The following SLC26A3 variants were observed in gnomAD, a reference collection of about 807,000 sequenced individuals.
The protein encoded by SLC26A3 is chloride anion exchanger.
Under a neutral mutation model 85.6 loss-of-function variants are expected in SLC26A3, and 64 were observed. That is an observed-to-expected ratio of 0.75 (90% CI 0.61 to 0.92). The LOEUF is 0.92. Ranked by LOEUF, SLC26A3 falls within the 40% of genes least tolerant of loss-of-function variation. SLC26A3 has a pLI of 0.00. For synonymous variants in SLC26A3, 349 were observed against 336.0 expected (o/e 1.04, Z -0.42); for missense variants, 922 against 927.3 (o/e 0.99, Z 0.07).
intron 8 of SLC26A3, 27 bp downstream of exon 8, chr7:107,786,800 T>G: frequency 6.3e-7 from 1 of 1,580,824 alleles, no homozygotes; most frequent in Non-Finnish European, 8.7e-7. Context: ...TAGTGCATGG[T>G]GATGCCATCA....
At chr7:107,802,814 T>C (rs1190279411) in intron 1 of SLC26A3, among the ~76,000 whole-genome samples, 3 of 149,888 alleles carry the variant, frequency 2.0e-5, no homozygotes, top group Non-Finnish European at 4.4e-5. Context: ...GAGTGGAGAA[T>C]TAAAGGAATT....
At chr7:107,776,336 AC>A (rs1472902954) in intron 15 of SLC26A3, 115 bp downstream of exon 15, 23 of 862,498 alleles carry the variant, frequency 2.7e-5, no homozygotes, top group Non-Finnish European at 4.5e-5. Flanking sequence ...TACTGACACA[AC>A]CCCACCTCAA....
intron 6 of SLC26A3, 102 bp downstream of exon 6, chr7:107,789,422 T>G: frequency 8.3e-7 from 1 of 1,200,934 alleles, no homozygotes; most frequent in South Asian, 1.3e-5. Context: ...TTTTACAAAC[T>G]GTAGGTAAAC....
intron 18 of SLC26A3, among the ~76,000 whole-genome samples, chr7:107,770,240 T>C: frequency 2.2e-4 from 12 of 53,354 alleles, no homozygotes; most frequent in African/African-American, 4.8e-4. Flanking sequence ...TTTTTTTTTT[T>C]TTTTTTTTTT....
At chr7:107,796,831 C>T (rs1794510234) in intron 1 of SLC26A3, among the ~76,000 whole-genome samples, 1 of 151,314 alleles carries the variant, frequency 6.6e-6, no homozygotes, top group Admixed American at 6.6e-5. Context: ...TCAGATGCTG[C>T]TATGGCCAGG....
At chr7:107,793,303 A>T (rs981471366) in intron 3 of SLC26A3, among the ~76,000 whole-genome samples, 1 of 152,228 alleles carries the variant, frequency 6.6e-6, no homozygotes, top group African/African-American at 2.4e-5. Flanking sequence ...AAATAGCATT[A>T]CTCATAACTC....
chr7:107,788,294 A>G (rs1282364944), intron 6 of SLC26A3, among the ~76,000 whole-genome samples: 1 of 152,204 alleles, frequency 6.6e-6, no homozygotes, highest in Non-Finnish European at 1.5e-5. Flanking sequence ...TGACTCAAGT[A>G]TTTTCAAAAA....
rs978802575 is a variant in SLC26A3, at chr7:107,765,541, C to T, written c.*314G>A. The T allele has an allele frequency of 6.3e-5, 17 of 269,138 alleles. No individual in the cohort carries two copies. The highest frequency in any genetic ancestry group is 2.5e-4 in the African/African-American group (11 of 44,658). 16.7% of individuals were successfully genotyped at this position (269,138 alleles called of 1,614,324 possible). On this transcript the variant is annotated 3_prime_UTR_variant, in exon 21 of 21. Transcript: ENST00000340010. ...TAAATTATGAGATTCAAAACAGTGG[C>T]GCCACTATACTGCTAAACCTATGCA...
At chr7:107,794,664 G>A (rs1794466418) in intron 1 of SLC26A3, 67 bp from the exon 2 acceptor site, 2 of 790,164 alleles carry the variant, frequency 2.5e-6, no homozygotes, top group Non-Finnish European at 4.3e-6. Flanking sequence ...ACAGATGAGT[G>A]AGCTCCGAAC....
At chr7:107,785,490 G>T (rs1321888448) in intron 8 of SLC26A3, among the ~76,000 whole-genome samples, 1 of 152,198 alleles carries the variant, frequency 6.6e-6, no homozygotes, top group African/African-American at 2.4e-5. Context: ...GTAACTCAGT[G>T]ATCTTAAGTT....
intron 4 of SLC26A3, 65 bp from the exon 5 acceptor site, chr7:107,791,300 C>T: frequency 6.7e-7 from 1 of 1,490,036 alleles, no homozygotes; most frequent in Non-Finnish European, 9.4e-7. Context: ...CTTTCAACCA[C>T]AGAATAAGAC....
intron 11 of SLC26A3, 48 bp from the exon 12 acceptor site, chr7:107,779,811 C>T (rs1794186264): frequency 1.3e-6 from 2 of 1,503,866 alleles, no homozygotes; most frequent in African/African-American, 2.7e-5. Flanking sequence ...ATGAAATAAA[C>T]CACAGGGAAG....
At chr7:107,776,380 C>T (rs1214112843) in intron 15 of SLC26A3, 72 bp downstream of exon 15, 2 of 1,256,608 alleles carry the variant, frequency 1.6e-6, no homozygotes, top group East Asian at 2.3e-5. Flanking sequence ...CAACAATGAC[C>T]TTACAGAACA....
chr7:107,783,182 C>A (rs1258507914), intron 9 of SLC26A3, 23 bp downstream of exon 9: 7 of 1,613,962 alleles, frequency 4.3e-6, no homozygotes, highest in Non-Finnish European at 5.9e-6. Context: ...CCCAGTGAGA[C>A]CCAGTGTAGT....
chr7:107,793,337 A>G (rs1253415637), intron 3 of SLC26A3, among the ~76,000 whole-genome samples: 1 of 152,238 alleles, frequency 6.6e-6, no homozygotes, highest in African/African-American at 2.4e-5. Flanking sequence ...AGTGGAAACA[A>G]CTCAAATGTT....
chr7:107,777,581 ACT>A (rs747874957), intron 13 of SLC26A3, among the ~76,000 whole-genome samples: 6 of 152,088 alleles, frequency 3.9e-5, no homozygotes, highest in Non-Finnish European at 7.4e-5. Flanking sequence ...CAAGAGCGAA[ACT>A]CTGTCTCAAA....
chr7:107,796,483 T>C (rs1363466272), intron 1 of SLC26A3, among the ~76,000 whole-genome samples: 1 of 152,166 alleles, frequency 6.6e-6, no homozygotes, highest in African/African-American at 2.4e-5. Context: ...CTCTTTTGTT[T>C]CCATTCCCTC....
At chr7:107,791,786 G>A (rs1449257802) in intron 4 of SLC26A3, 44 bp downstream of exon 4, 6 of 1,261,060 alleles carry the variant, frequency 4.8e-6, no homozygotes, top group Non-Finnish European at 7.0e-6. Context: ...AAATTCATAA[G>A]GAAAAAACAA....
At chr7:107,777,264 A>G (rs1794132317) in intron 13 of SLC26A3, among the ~76,000 whole-genome samples, 1 of 152,196 alleles carries the variant, frequency 6.6e-6, no homozygotes, top group Admixed American at 6.5e-5. Context: ...AAATAGGCTG[A>G]GCAACCACAT....
Sources: gnomAD v4.1 joint callset for allele counts (sites outside exome capture counted in the v4.1 genomes callset) on GRCh38, gnomAD v4.1.1 for gene constraint, MANE v1.5 for transcripts, NCBI Gene and HGNC (gene_info 2026-07-23, HGNC 2026-07-21) for gene names.